LRRC4C: variants seen among roughly 807,000 people sequenced by gnomAD.
LRRC4C encodes the protein leucine-rich repeat-containing protein 4C.
LRRC4C carries 5 observed loss-of-function variants against 33.6 expected under a neutral mutation model. That is an observed-to-expected ratio of 0.15 (90% CI 0.08 to 0.31). The LOEUF (loss-of-function observed/expected upper bound fraction) is 0.31, where lower values mean the gene tolerates loss of function less well. Among genes scored for constraint, LRRC4C ranks in the 10% least tolerant of loss-of-function variants. LRRC4C has a pLI of 1.00. For synonymous variants in LRRC4C, 329 were observed against 302.0 expected, an observed-to-expected ratio of 1.09 and a Z score of -0.93; for missense variants, 560 against 796.7, an observed-to-expected ratio of 0.70 and a Z score of 3.58.
chr11:41,456,493 C>T (rs776477959), intron 1 of LRRC4C, among the ~76,000 whole-genome samples: 64 of 152,064 alleles, frequency 4.2e-4, no homozygotes, highest in Non-Finnish European at 3.4e-4. Flanking sequence ...CAGAAACACA[C>T]TGGAGAATGT....
intron 3 of LRRC4C, among the ~76,000 whole-genome samples, chr11:40,474,117 C>G (rs1009110565): frequency 2.0e-5 from 3 of 151,986 alleles, no homozygotes; most frequent in Non-Finnish European, 2.9e-5. Flanking sequence ...AAATTTCATA[C>G]AAAACCAAGA....
intron 4 of LRRC4C, among the ~76,000 whole-genome samples, chr11:40,280,598 C>G (rs1943408226): frequency 6.6e-6 from 1 of 152,096 alleles, no homozygotes; most frequent in Non-Finnish European, 1.5e-5. Context: ...TTTCCAACTG[C>G]AGATCTCTCT....
rs1360961510 is a variant in LRRC4C, at chr11:40,617,307, A to T, written c.-270+30835T>A. ...GGTTTACAAAACACTTGTATAAAGG[A>T]GGTTTAGGTCTAAAGAATTCCATAT... is the stretch of plus-strand genomic sequence containing the variant. On this transcript the variant is annotated intron_variant, in intron 3 of 6. Coordinates refer to ENST00000528697, the MANE Select transcript of LRRC4C (RefSeq NM_001258419.2). Among the ~76,000 whole-genome samples the T allele has an allele frequency of 2.0e-5, 3 of 151,736 alleles. No homozygotes were observed. The East Asian group carries it at 5.8e-4, about 29-fold the overall frequency.
chr11:40,984,757 C>T (rs765958514), intron 1 of LRRC4C, among the ~76,000 whole-genome samples: 51 of 152,022 alleles, frequency 3.4e-4, no homozygotes, highest in Non-Finnish European at 4.0e-4. Flanking sequence ...GAATCATCAA[C>T]TTTCATGGAG....
At chr11:40,944,036 C>T (rs1054278171) in intron 1 of LRRC4C, among the ~76,000 whole-genome samples, 9 of 152,110 alleles carry the variant, frequency 5.9e-5, no homozygotes, top group Non-Finnish European at 8.8e-5. Flanking sequence ...TAAATACGGA[C>T]GGTAAATACA....
intron 3 of LRRC4C, among the ~76,000 whole-genome samples, chr11:40,625,959 A>G (rs573699033): frequency 6.6e-6 from 1 of 152,302 alleles, no homozygotes; most frequent in East Asian, 1.9e-4. Context: ...ATGCTATTAA[A>G]TGATAGGTTG....
chr11:40,577,832 C>CTTTT (rs56061263), intron 3 of LRRC4C, among the ~76,000 whole-genome samples: 32 of 119,342 alleles, frequency 2.7e-4, no homozygotes, highest in East Asian at 1.5e-3. Flanking sequence ...TTTCTTTTTT[C>CTTTT]TTTTTTTTTT....
At chr11:40,294,341 T>C (rs187813214) in intron 4 of LRRC4C, among the ~76,000 whole-genome samples, 29 of 152,076 alleles carry the variant, frequency 1.9e-4, no homozygotes, top group Non-Finnish European at 3.7e-4. Context: ...GTGGGAGAAG[T>C]CAGTTTTTTC....
chr11:40,873,733 C>T (rs1954757000), intron 2 of LRRC4C, among the ~76,000 whole-genome samples: 1 of 152,092 alleles, frequency 6.6e-6, no homozygotes, highest in South Asian at 2.1e-4. Context: ...TATTTTTCTC[C>T]TACCTCTGCC....
At chr11:40,185,331 C>T (rs1418146247) in intron 5 of LRRC4C, among the ~76,000 whole-genome samples, 1 of 152,092 alleles carries the variant, frequency 6.6e-6, no homozygotes, top group Non-Finnish European at 1.5e-5. Context: ...TTTTCAGCCT[C>T]CAGGGCTTAA....
At chr11:40,926,621 A>G (rs1957415254) in intron 2 of LRRC4C, among the ~76,000 whole-genome samples, 1 of 152,212 alleles carries the variant, frequency 6.6e-6, no homozygotes, top group Non-Finnish European at 1.5e-5. Context: ...ACAATGAATG[A>G]TAGGCATATT....
intron 3 of LRRC4C, among the ~76,000 whole-genome samples, chr11:40,561,046 T>C (rs1184499467): frequency 2.1e-4 from 32 of 152,204 alleles, no homozygotes. Flanking sequence ...AGTTTGACAG[T>C]TTTATCTTCA....
chr11:40,388,871 C>T (rs762497926), intron 3 of LRRC4C, among the ~76,000 whole-genome samples: 9 of 152,082 alleles, frequency 5.9e-5, no homozygotes, highest in Admixed American at 2.6e-4. Flanking sequence ...GTTCAGAGGA[C>T]GAGGTACTGC....
At chr11:40,574,095 A>AT (rs904117623) in intron 3 of LRRC4C, among the ~76,000 whole-genome samples, 1 of 152,182 alleles carries the variant, frequency 6.6e-6, no homozygotes, top group Non-Finnish European at 1.5e-5. Flanking sequence ...CATAAAATAT[A>AT]TTTTTTACAC....
chr11:41,212,348 C>T (rs1186835368), intron 1 of LRRC4C, among the ~76,000 whole-genome samples: 1 of 152,202 alleles, frequency 6.6e-6, no homozygotes, highest in Admixed American at 6.5e-5. Context: ...AAAGGTAAAG[C>T]TGAATATCTT....
At chr11:41,087,705 T>C (rs1389278050) in intron 1 of LRRC4C, among the ~76,000 whole-genome samples, 3 of 152,124 alleles carry the variant, frequency 2.0e-5, no homozygotes, top group Admixed American at 2.0e-4. Flanking sequence ...ATTCAAAAGC[T>C]ATTTGTGCCC....
chr11:40,629,304 G>A (rs1409071860), intron 3 of LRRC4C, among the ~76,000 whole-genome samples: 1 of 151,738 alleles, frequency 6.6e-6, no homozygotes, highest in Admixed American at 6.6e-5. Context: ...ATTTTAAAAG[G>A]CTTACTGGGC....
At chr11:40,325,549 G>T (rs908331309) in intron 3 of LRRC4C, among the ~76,000 whole-genome samples, 6 of 151,902 alleles carry the variant, frequency 3.9e-5, no homozygotes, top group African/African-American at 1.4e-4. Flanking sequence ...GGTCATTAGA[G>T]CCCAGAAGAT....
chr11:41,250,598 G>A (rs1479948408), intron 1 of LRRC4C, among the ~76,000 whole-genome samples: 1 of 152,178 alleles, frequency 6.6e-6, no homozygotes, highest in Non-Finnish European at 1.5e-5. Flanking sequence ...ACTGGCTTGT[G>A]ATGACTTGGC....
Sources: allele counts gnomAD v4.1 joint callset (sites outside exome capture counted in the v4.1 genomes callset), GRCh38; gene constraint gnomAD v4.1.1; transcripts MANE v1.5; gene names NCBI Gene and HGNC (gene_info 2026-07-23, HGNC 2026-07-21).